Variants in OXCT1 observed in about 807,000 individuals in gnomAD.
The protein encoded by OXCT1 is 3-oxoacid CoA-transferase 1.
In OXCT1, 27 loss-of-function variants were observed where a neutral mutation model predicts 69.6. The ratio of observed to expected loss-of-function variants is 0.39; its 90% CI spans 0.29 to 0.54. The LOEUF (loss-of-function observed/expected upper bound fraction) is 0.54. Among genes scored for constraint, OXCT1 ranks in the 20% least tolerant of loss-of-function variants. The pLI, the probability that OXCT1 is intolerant of heterozygous loss-of-function variation, is 0.72. For missense variants in OXCT1, 437 were observed against 650.2 expected (o/e 0.67, Z 3.57); for synonymous variants, 202 against 217.8 (o/e 0.93, Z 0.64).
At chr5:41,837,275 G>A (rs1748410160) in intron 7 of OXCT1, among the ~76,000 whole-genome samples, 1 of 151,538 alleles carries the variant, frequency 6.6e-6, no homozygotes. Context: ...TCAAAAGAAA[G>A]GAGATGAGCT....
At chr5:41,869,698 T>A (rs1411232553) in intron 1 of OXCT1, among the ~76,000 whole-genome samples, 2 of 152,088 alleles carry the variant, frequency 1.3e-5, no homozygotes, top group Non-Finnish European at 2.9e-5. Flanking sequence ...CGCTCCAGTC[T>A]ACGGGGCAGC....
intron 1 of OXCT1, among the ~76,000 whole-genome samples, chr5:41,869,685 G>A (rs1402243277): frequency 6.6e-6 from 1 of 152,164 alleles, no homozygotes; most frequent in Non-Finnish European, 1.5e-5. Context: ...ACGCCCTGGC[G>A]AGCGCTCCAG....
chr5:41,865,359 A>G (rs1749916025), intron 1 of OXCT1, among the ~76,000 whole-genome samples: 1 of 152,346 alleles, frequency 6.6e-6, no homozygotes, highest in South Asian at 2.1e-4. Context: ...GCAAAAAAAT[A>G]TACTTCAAAA....
chr5:41,810,839 A>G (rs1032319146), intron 7 of OXCT1, among the ~76,000 whole-genome samples: 5 of 151,928 alleles, frequency 3.3e-5, no homozygotes, highest in Admixed American at 1.3e-4. Flanking sequence ...ACAAAAATGG[A>G]CCCAACCCTA....
intron 15 of OXCT1, among the ~76,000 whole-genome samples, chr5:41,745,082 A>G (rs1313055395): frequency 1.3e-5 from 2 of 152,112 alleles, no homozygotes; most frequent in African/African-American, 4.8e-5. Flanking sequence ...TCCACCCCAA[A>G]TCAACAGAAT....
chr5:41,758,073 A>G (rs1408884774), intron 14 of OXCT1, among the ~76,000 whole-genome samples: 3 of 152,094 alleles, frequency 2.0e-5, no homozygotes, highest in Non-Finnish European at 4.4e-5. Flanking sequence ...AGATGTAAAG[A>G]AGGCCTTAAC....
chr5:41,792,630 C>T (rs1745978379), intron 13 of OXCT1, among the ~76,000 whole-genome samples: 1 of 152,104 alleles, frequency 6.6e-6, no homozygotes, highest in Admixed American at 6.5e-5. Flanking sequence ...CTCAGGAGAC[C>T]CTCCCTGATT....
chr5:41,808,842 C>G (rs1159664200), intron 7 of OXCT1, among the ~76,000 whole-genome samples: 1 of 152,076 alleles, frequency 6.6e-6, no homozygotes, highest in Admixed American at 6.6e-5. Context: ...AGGGCTCATT[C>G]ACATCTTTCC....
chr5:41,732,647 C>T (rs1191740189), intron 16 of OXCT1, among the ~76,000 whole-genome samples: 3 of 152,118 alleles, frequency 2.0e-5, no homozygotes, highest in Non-Finnish European at 4.4e-5. Context: ...AAAGATGTGG[C>T]AATCAAAATG....
intron 7 of OXCT1, among the ~76,000 whole-genome samples, chr5:41,809,042 C>A (rs1262755478): frequency 6.6e-6 from 1 of 151,688 alleles, no homozygotes; most frequent in Non-Finnish European, 1.5e-5. Flanking sequence ...CATGGTGTAG[C>A]CATGTGATTA....
At chr5:41,777,091 A>T (rs1016474447) in intron 13 of OXCT1, among the ~76,000 whole-genome samples, 4 of 152,164 alleles carry the variant, frequency 2.6e-5, no homozygotes, top group Non-Finnish European at 5.9e-5. Context: ...CATCACCTAA[A>T]ATGTGCTTGT....
intron 13 of OXCT1, among the ~76,000 whole-genome samples, chr5:41,770,641 C>CTG (rs1744833882): frequency 3.3e-5 from 5 of 152,078 alleles, no homozygotes; most frequent in African/African-American, 1.2e-4. Context: ...TCTTGAATGC[C>CTG]CTCTCAATGT....
chr5:41,850,090 T>G lies in OXCT1; in HGVS notation c.504A>C (p.Gly168=). 2 of 1,613,982 alleles carry G rather than the reference T, an allele frequency of 1.2e-6. No individual in the cohort carries two copies. Among genetic ancestry groups the G allele is most frequent in the Non-Finnish European group, 1.7e-6 (2 of 1,179,902 alleles). ...PTGYGTLVQE[G]GSPIKYNKDG... ...CTTTGTTGTATTTGATGGGCGATCC[T>G]CCTTCTTGTACCAGGGTCCCATACC... Residue 168 remains glycine, a synonymous_variant, in exon 5 of 17, where the codon GGA becomes GGC. Transcript: ENST00000196371.
intron 14 of OXCT1, among the ~76,000 whole-genome samples, chr5:41,751,815 T>C (rs994190842): frequency 4.6e-5 from 7 of 152,120 alleles, no homozygotes; most frequent in Non-Finnish European, 8.8e-5. Context: ...CATATGGCTC[T>C]CCTAAGAAAC....
intron 7 of OXCT1, among the ~76,000 whole-genome samples, chr5:41,821,485 G>A (rs1323931332): frequency 6.6e-6 from 1 of 152,192 alleles, no homozygotes; most frequent in Non-Finnish European, 1.5e-5. Context: ...GAGTGTAATT[G>A]CTGGATTATT....
intron 16 of OXCT1, 27 bp downstream of exon 16, chr5:41,739,363 T>G: frequency 7.3e-7 from 1 of 1,371,624 alleles, no homozygotes; most frequent in Non-Finnish European, 1.0e-6. Flanking sequence ...AAGACAAGTG[T>G]CTGGATTTGT....
chr5:41,809,040 A>C (rs556651417), intron 7 of OXCT1, among the ~76,000 whole-genome samples: 1 of 152,054 alleles, frequency 6.6e-6, no homozygotes, highest in Non-Finnish European at 1.5e-5. Context: ...AACATGGTGT[A>C]GCCATGTGAT....
intron 7 of OXCT1, among the ~76,000 whole-genome samples, chr5:41,824,128 G>A (rs187056963): frequency 2.6e-5 from 4 of 152,216 alleles, no homozygotes; most frequent in Admixed American, 2.0e-4. Flanking sequence ...AAGCTTTAGA[G>A]GCACAAAGAA....
chr5:41,797,571 T>C (rs1746239164), intron 11 of OXCT1, among the ~76,000 whole-genome samples: 1 of 152,216 alleles, frequency 6.6e-6, no homozygotes, highest in Non-Finnish European at 1.5e-5. Context: ...TTTTTCTTTA[T>C]GTATATCTCA....
Sources: allele counts gnomAD v4.1 joint callset (sites outside exome capture counted in the v4.1 genomes callset), GRCh38; gene constraint gnomAD v4.1.1; transcripts MANE v1.5; gene names NCBI Gene and HGNC (gene_info 2026-07-23, HGNC 2026-07-21).